ARAP2: variants seen among roughly 807,000 people sequenced by gnomAD.
The protein encoded by ARAP2 is ArfGAP with RhoGAP domain, ankyrin repeat and PH domain 2.
Under a neutral mutation model 194.5 loss-of-function variants are expected in ARAP2, and 148 were observed. That is an observed-to-expected ratio of 0.76 (90% CI 0.67 to 0.87). ARAP2 has a LOEUF of 0.87. Among genes scored for constraint, ARAP2 ranks in the 40% least tolerant of loss-of-function variants. ARAP2 has a pLI of 0.00. For synonymous variants in ARAP2, 695 were observed against 683.5 expected (o/e 1.02, Z -0.26); for missense variants, 2,128 against 1,989.7 (o/e 1.07, Z -1.32).
intron 8 of ARAP2, among the ~76,000 whole-genome samples, chr4:36,014,280 AGAAAGAAAGAAAGAAAGAAG>A (rs1715214425): frequency 7.1e-6 from 1 of 141,164 alleles, no homozygotes. Flanking sequence ...AAAGAAAGAA[AGAAAGAAAGAAAGAAAGAAG>A]AGAAGGAAGG....
At chr4:36,226,854 C>T (rs773442720) in intron 2 of ARAP2, among the ~76,000 whole-genome samples, 1 of 152,134 alleles carries the variant, frequency 6.6e-6, no homozygotes, top group Non-Finnish European at 1.5e-5. Context: ...TTACAGCTCC[C>T]AAAGGGATTC....
At chr4:36,038,239 G>A (rs1577620123) in intron 5 of ARAP2, among the ~76,000 whole-genome samples, 2 of 152,292 alleles carry the variant, frequency 1.3e-5, no homozygotes, top group Middle Eastern at 6.8e-3. Context: ...GTTGTGAAGA[G>A]TGAAGATATG....
chr4:36,044,391 A>C (rs1223439171), intron 5 of ARAP2, among the ~76,000 whole-genome samples: 2 of 152,232 alleles, frequency 1.3e-5, no homozygotes, highest in Non-Finnish European at 2.9e-5. Context: ...GGGAGGTAGC[A>C]GCAGTAGAAT....
At chr4:36,099,015 T>C (rs1046651360) in intron 27 of ARAP2, among the ~76,000 whole-genome samples, 2 of 152,000 alleles carry the variant, frequency 1.3e-5, no homozygotes, top group Non-Finnish European at 2.9e-5. Context: ...TAAGTACCCA[T>C]TAGCTGTTCT....
chr4:36,178,884 G>T (rs1738587508), intron 8 of ARAP2, among the ~76,000 whole-genome samples: 1 of 152,134 alleles, frequency 6.6e-6, no homozygotes, highest in Admixed American at 6.5e-5. Flanking sequence ...ATATGTGGTA[G>T]ATCTTGAGGA....
intron 2 of ARAP2, among the ~76,000 whole-genome samples, chr4:36,057,024 A>G (rs76192230): frequency 2.1e-5 from 3 of 145,940 alleles, no homozygotes; most frequent in African/African-American, 7.5e-5. Context: ...ATTTCTCTCT[A>G]TCTAAAACAT....
chr4:36,145,940 C>A (rs1729535326), intron 19 of ARAP2, among the ~76,000 whole-genome samples: 1 of 152,004 alleles, frequency 6.6e-6, no homozygotes, highest in Admixed American at 6.6e-5. Context: ...TAATTTTAGA[C>A]ATGCGTATTC....
chr4:36,138,564 AG>A (rs1369661951), intron 19 of ARAP2, among the ~76,000 whole-genome samples: 5 of 151,714 alleles, frequency 3.3e-5, no homozygotes, highest in Non-Finnish European at 7.4e-5. Context: ...AATGATAATC[AG>A]TACTTCACAT....
chr4:36,191,632 A>C (rs1414498672), intron 7 of ARAP2, among the ~76,000 whole-genome samples: 6 of 151,996 alleles, frequency 3.9e-5, no homozygotes, highest in African/African-American at 9.7e-5. Flanking sequence ...AAAATACTCA[A>C]ATGACAACAA....
At chr4:36,209,170 C>A (rs1310446912) in intron 6 of ARAP2, among the ~76,000 whole-genome samples, 1 of 152,102 alleles carries the variant, frequency 6.6e-6, no homozygotes, top group Non-Finnish European at 1.5e-5. Context: ...TTGGACCTCC[C>A]TAAATACTTG....
At chr4:36,070,978 TACCA>T (rs1726722635) in intron 32 of ARAP2, among the ~76,000 whole-genome samples, 1 of 152,204 alleles carries the variant, frequency 6.6e-6, no homozygotes, top group Admixed American at 6.5e-5. Flanking sequence ...TGCTGCTTTC[TACCA>T]CATCAAACTG....
chr4:36,055,082 T>C (rs1251817054), intron 2 of ARAP2, among the ~76,000 whole-genome samples: 1 of 152,226 alleles, frequency 6.6e-6, no homozygotes, highest in East Asian at 1.9e-4. Flanking sequence ...AGTCAACTGA[T>C]ATAAATGATT....
Position 36,228,671 on chromosome 4 carries a change from G to C in ARAP2, c.816C>G (p.Ser272Arg), listed in dbSNP as rs1270928150. Residue 272 changes from serine (S) to arginine (R), a missense_variant, in exon 2 of 33, where the codon AGC (serine) becomes AGG (arginine). Coordinates refer to ENST00000303965, the MANE Select transcript of ARAP2 (RefSeq NM_015230.4). ...ATCGAGATGGTCTTGAAACCAACTT[G>C]CTACGACTTCTCACAGGTGCTAGGA... is the stretch of plus-strand genomic sequence containing the variant. ...SPILAPVRSR[S>R]KLVSRPSRSF... The C allele has an allele frequency of 6.2e-7, 1 of 1,614,004 alleles. No homozygotes were observed. Among genetic ancestry groups the C allele is most frequent in the Admixed American group, 1.7e-5 (1 of 59,996 alleles).
At chr4:36,150,040 C>A (rs1401026994) in intron 16 of ARAP2, among the ~76,000 whole-genome samples, 3 of 152,074 alleles carry the variant, frequency 2.0e-5, no homozygotes, top group African/African-American at 7.2e-5. Context: ...AAAGTCCTGA[C>A]AAAGATTTAT....
rs1391480571 is a variant in ARAP2, at chr4:36,160,452, T to C, written c.2442+7A>G. 2.0e-6 allele frequency: 3 copies of C among 1,535,888 alleles called. No individual in the cohort carries two copies. Among genetic ancestry groups the C allele is most frequent in the Non-Finnish European group, 2.6e-6 (3 of 1,148,134 alleles). ...ATCCACGTCTGCTGTTATGTTTAATTGAATACCTTATTTAATTCTTCTTTG... is the reference window on the plus strand; with the variant it reads ...ATCCACGTCTGCTGTTATGTTTAATCGAATACCTTATTTAATTCTTCTTTG... On this transcript the variant is annotated splice_region_variant and intron_variant, in intron 13 of 32. Coordinates refer to ENST00000303965, the MANE Select transcript of ARAP2 (RefSeq NM_015230.4).
At chr4:36,182,924 T>C (rs894195704) in intron 8 of ARAP2, among the ~76,000 whole-genome samples, 3 of 152,136 alleles carry the variant, frequency 2.0e-5, no homozygotes, top group African/African-American at 7.2e-5. Flanking sequence ...CTGCTGAATA[T>C]ATGACTGTGG....
At chr4:36,128,186 T>C (rs1415807298) in intron 21 of ARAP2, among the ~76,000 whole-genome samples, 1 of 151,968 alleles carries the variant, frequency 6.6e-6, no homozygotes, top group African/African-American at 2.4e-5. Context: ...CTGTAGTAAA[T>C]GCTTCATTTT....
intron 28 of ARAP2, among the ~76,000 whole-genome samples, chr4:36,085,414 T>A (rs1711526907): frequency 6.6e-6 from 1 of 152,082 alleles, no homozygotes; most frequent in Admixed American, 6.6e-5. Flanking sequence ...GACAGAAATT[T>A]TTTTGTTGAC....
At chr4:36,192,659 T>C (rs1208496408) in intron 7 of ARAP2, among the ~76,000 whole-genome samples, 3 of 152,142 alleles carry the variant, frequency 2.0e-5, no homozygotes, top group Non-Finnish European at 4.4e-5. Context: ...GTCTTAAGAC[T>C]CAAATGTACA....
Sources: gnomAD v4.1 joint callset for allele counts (sites outside exome capture counted in the v4.1 genomes callset) on GRCh38, gnomAD v4.1.1 for gene constraint, MANE v1.5 for transcripts, NCBI Gene and HGNC (gene_info 2026-07-23, HGNC 2026-07-21) for gene names.